CYP4X1: variants seen among roughly 807,000 people sequenced by gnomAD.
CYP4X1 encodes cytochrome P450 4X1.
CYP4X1 carries 44 observed loss-of-function variants against 57.9 expected under a neutral mutation model. The ratio of observed to expected loss-of-function variants is 0.76; its 90% CI spans 0.60 to 0.98. CYP4X1 has a LOEUF of 0.98. Ranked by LOEUF, CYP4X1 falls within the 50% of genes least tolerant of loss-of-function variation. The pLI is 0.00. For missense variants in CYP4X1, 532 were observed against 623.9 expected (o/e 0.85, Z 1.57); for synonymous variants, 227 against 228.6 (o/e 0.99, Z 0.06).
downstream of CYP4X1, among the ~76,000 whole-genome samples, chr1:47,054,736 A>G (rs1376728408): frequency 2.6e-5 from 4 of 152,182 alleles, no homozygotes; most frequent in African/African-American, 7.2e-5. Flanking sequence ...TTATTGGTGT[A>G]TAAGAATGCT....
At chr1:47,004,839 T>C in the CYP4X1 span, among the ~76,000 whole-genome samples, 1 of 152,200 alleles carries the variant, frequency 6.6e-6, no homozygotes, top group Non-Finnish European at 1.5e-5. Flanking sequence ...TTTCAGATTA[T>C]TTAAACTTTG....
chr1:47,055,127 G>A (rs933259244), downstream of CYP4X1, among the ~76,000 whole-genome samples: 3 of 152,216 alleles, frequency 2.0e-5, no homozygotes, highest in South Asian at 2.1e-4. Flanking sequence ...TTTTTAGCAT[G>A]AAGGTTGTTG....
In CYP4X1 at chr1:47,027,168, C is replaced by T. The variant is rs551737003; in HGVS notation, c.178-2822C>T. 2.6e-5 allele frequency among the ~76,000 whole-genome samples: 4 copies of T among 151,844 alleles called. No homozygotes were observed. In the East Asian group the frequency reaches 7.7e-4, roughly 29 times the overall value. ...AGAGTCCACATTCCCTCTTGACTGT[C>T]ACTAAGTTTTTTTTTTTCTGTTTTT... On this transcript the variant is annotated intron_variant, in intron 1 of 11. Coordinates refer to ENST00000371901, the MANE Select transcript of CYP4X1 (RefSeq NM_178033.2).
At chr1:47,044,360 A>G (rs1644278295) in intron 8 of CYP4X1, among the ~76,000 whole-genome samples, 2 of 152,214 alleles carry the variant, frequency 1.3e-5, no homozygotes, top group African/African-American at 2.4e-5. Context: ...TAAAAAAACT[A>G]TACACTTTTA....
chr1:47,041,534 T>C (rs1000732617), intron 8 of CYP4X1, among the ~76,000 whole-genome samples: 1 of 152,224 alleles, frequency 6.6e-6, no homozygotes, highest in Non-Finnish European at 1.5e-5. Context: ...TGATGATTAG[T>C]GATGTTGAGC....
chr1:47,054,065 G>A (rs1644376892), downstream of CYP4X1, among the ~76,000 whole-genome samples: 6 of 151,658 alleles, frequency 4.0e-5, no homozygotes, highest in Admixed American at 3.9e-4. Context: ...TAACATGTAA[G>A]TCTTTAATCC....
At chr1:47,023,649 A>T, upstream of CYP4X1, 1 of 1,393,494 alleles carries the variant, frequency 7.2e-7, no homozygotes. Flanking sequence ...TCCTCTCCCC[A>T]GGCCTGAGCT....
intron 1 of CYP4X1, among the ~76,000 whole-genome samples, chr1:47,029,553 G>A (rs1482761725): frequency 6.6e-6 from 1 of 152,132 alleles, no homozygotes; most frequent in Non-Finnish European, 1.5e-5. Context: ...ATTAGAGAGA[G>A]GAACAGGAAG....
the CYP4X1 span, among the ~76,000 whole-genome samples, chr1:46,973,109 G>A: frequency 1.3e-5 from 2 of 151,944 alleles, no homozygotes; most frequent in African/African-American, 4.8e-5. Flanking sequence ...ATGTACCTTT[G>A]ATATCTAGTC....
chr1:46,985,144 G>A, the CYP4X1 span, among the ~76,000 whole-genome samples: 4 of 152,260 alleles, frequency 2.6e-5, no homozygotes, highest in East Asian at 5.8e-4. Flanking sequence ...ACTGTAGCCA[G>A]ACTGCCTCTC....
At chr1:46,988,414 G>T in the CYP4X1 span, among the ~76,000 whole-genome samples, 1 of 152,040 alleles carries the variant, frequency 6.6e-6, no homozygotes, top group South Asian at 2.1e-4. Flanking sequence ...AATAAAAAAA[G>T]TCCAGGACAA....
intron 1 of CYP4X1, among the ~76,000 whole-genome samples, chr1:47,026,013 T>C (rs1644059313): frequency 6.6e-6 from 1 of 152,206 alleles, no homozygotes. Context: ...GAGTCTTCAA[T>C]TCTAATCCAT....
At chr1:46,961,670 C>G in the CYP4X1 span, 1 of 1,291,306 alleles carries the variant, frequency 7.7e-7, no homozygotes, top group Non-Finnish European at 1.0e-6. Flanking sequence ...CCTCTGGGAA[C>G]CCCCTAGTCT....
downstream of CYP4X1, among the ~76,000 whole-genome samples, chr1:47,052,562 C>A (rs148390566): frequency 3.4e-4 from 52 of 152,120 alleles, 1 homozygote; most frequent in African/African-American, 1.2e-3. Context: ...TGGTACTCTT[C>A]AAGCTTAAAA....
the CYP4X1 span, among the ~76,000 whole-genome samples, chr1:46,962,703 C>T: frequency 1.3e-5 from 2 of 152,102 alleles, no homozygotes; most frequent in African/African-American, 2.4e-5. Context: ...AGTGCAGTGT[C>T]GTTCTGAGAA....
upstream of CYP4X1, among the ~76,000 whole-genome samples, chr1:47,022,489 C>G (rs1316611408): frequency 6.6e-6 from 1 of 151,928 alleles, no homozygotes; most frequent in Non-Finnish European, 1.5e-5. Flanking sequence ...TGGGGTTTCA[C>G]CATCTTGGCC....
At chr1:46,989,688 G>T in the CYP4X1 span, among the ~76,000 whole-genome samples, 1 of 152,062 alleles carries the variant, frequency 6.6e-6, no homozygotes, top group East Asian at 1.9e-4. Flanking sequence ...GCATAGTACT[G>T]GTACCAAAAC....
intron 6 of CYP4X1, among the ~76,000 whole-genome samples, chr1:47,038,044 GA>G (rs1223440528): frequency 2.6e-5 from 4 of 152,052 alleles, no homozygotes; most frequent in Non-Finnish European, 4.4e-5. Context: ...CAATGTACCA[GA>G]ATCACACTGT....
intron 10 of CYP4X1, among the ~76,000 whole-genome samples, chr1:47,049,041 T>C (rs973653800): frequency 3.3e-5 from 5 of 152,222 alleles, no homozygotes; most frequent in African/African-American, 1.2e-4. Flanking sequence ...AGCTGCAAGG[T>C]CTGCAGGTCT....
Sources: gnomAD v4.1 joint callset for allele counts (sites outside exome capture counted in the v4.1 genomes callset) on GRCh38, gnomAD v4.1.1 for gene constraint, MANE v1.5 for transcripts, NCBI Gene and HGNC (gene_info 2026-07-23, HGNC 2026-07-21) for gene names.